The following TPD52L1 variants were observed in gnomAD, a reference collection of about 807,000 sequenced individuals.
TPD52L1 encodes the protein tumor protein D53.
A neutral mutation model predicts 28.7 loss-of-function variants in TPD52L1; 18 were observed. The ratio of observed to expected loss-of-function variants is 0.63; its 90% CI spans 0.43 to 0.93. The LOEUF is 0.93. Among genes scored for constraint, TPD52L1 ranks in the 40% least tolerant of loss-of-function variants. The pLI, the probability that TPD52L1 is intolerant of heterozygous loss-of-function variation, is 0.00. For missense variants in TPD52L1, 203 were observed against 254.8 expected, an observed-to-expected ratio of 0.80 and a Z score of 1.39; for synonymous variants, 75 against 88.8, an observed-to-expected ratio of 0.84 and a Z score of 0.88.
chr6:125,189,635 T>C (rs1352765119), intron 1 of TPD52L1, among the ~76,000 whole-genome samples: 1 of 152,216 alleles, frequency 6.6e-6, no homozygotes, highest in Non-Finnish European at 1.5e-5. Context: ...ATGCCTTTGA[T>C]TGTGTGGGTG....
chr6:125,208,809 G>T, intron 1 of TPD52L1: 1 of 574,806 alleles, frequency 1.7e-6, no homozygotes, highest in Non-Finnish European at 2.2e-6. Context: ...GAGTGGGCCA[G>T]GTGCTGAGAG....
chr6:125,210,013 G>A (rs1266033350), intron 1 of TPD52L1, among the ~76,000 whole-genome samples: 1 of 152,092 alleles, frequency 6.6e-6, no homozygotes, highest in African/African-American at 2.4e-5. Flanking sequence ...ATTAGTCTCT[G>A]TTTAACTCAG....
chr6:125,216,529 GTATATATATATATA>G (rs56135453), intron 1 of TPD52L1, among the ~76,000 whole-genome samples: 63 of 69,076 alleles, frequency 9.1e-4, no homozygotes, highest in African/African-American at 4.5e-3. Flanking sequence ...GTATGTGTGT[GTATATATATATATA>G]TATATATATA....
chr6:125,172,478 GT>G (rs59798804), intron 1 of TPD52L1, among the ~76,000 whole-genome samples: 733 of 73,230 alleles, frequency 0.01, 22 homozygotes, highest in African/African-American at 0.039. Context: ...GTGTGTGTGT[GT>G]TTTTTTTTTA....
chr6:125,207,271 G>A (rs2114919183), intron 1 of TPD52L1, among the ~76,000 whole-genome samples: 1 of 152,288 alleles, frequency 6.6e-6, no homozygotes, highest in South Asian at 2.1e-4. Context: ...TGCATGAGGT[G>A]TTGTGGTAAA....
intron 1 of TPD52L1, among the ~76,000 whole-genome samples, chr6:125,213,928 T>A (rs1477099222): frequency 6.6e-6 from 1 of 151,912 alleles, no homozygotes; most frequent in Non-Finnish European, 1.5e-5. Context: ...ATCAGAAAAA[T>A]GACAAGAGTT....
intron 1 of TPD52L1, among the ~76,000 whole-genome samples, chr6:125,167,015 T>C (rs1582840615): frequency 6.6e-6 from 1 of 152,032 alleles, no homozygotes; most frequent in East Asian, 1.9e-4. Context: ...CCAGCACTTT[T>C]GGAGGCCGAG....
intron 1 of TPD52L1, among the ~76,000 whole-genome samples, chr6:125,186,803 T>A (rs1651743333): frequency 6.6e-6 from 1 of 152,184 alleles, no homozygotes; most frequent in African/African-American, 2.4e-5. Flanking sequence ...ATTGTATGCC[T>A]TATAAAGTTA....
chr6:125,185,162 T>C (rs1792515943), intron 1 of TPD52L1, among the ~76,000 whole-genome samples: 1 of 152,188 alleles, frequency 6.6e-6, no homozygotes. Context: ...TATAAATGCA[T>C]TTTTAAAAAC....
rs571223745 is a variant in TPD52L1 at position 125,200,347 on chromosome 6, T to G, written c.20-19731T>G. ...GTATTTTCTTTGTAAAGAATCTATTTGAAATATTGGAAATGTTTTCAGGAA... is the reference window on the plus strand; with the variant it reads ...GTATTTTCTTTGTAAAGAATCTATTGGAAATATTGGAAATGTTTTCAGGAA... On this transcript the variant is annotated intron_variant, in intron 1 of 6. Transcript: ENST00000534000. Among the ~76,000 whole-genome samples, 6 of 152,386 alleles carry G rather than the reference T, an allele frequency of 3.9e-5. No homozygotes were observed. In the South Asian group the frequency reaches 8.3e-4, roughly 21 times the overall value.
At chr6:125,172,512 CTATATATATA>C (rs60135828) in intron 1 of TPD52L1, among the ~76,000 whole-genome samples, 173 of 16,410 alleles carry the variant, frequency 0.011, 4 homozygotes, top group South Asian at 0.016. Flanking sequence ...CTCTTTCATG[CTATATATATA>C]TATATATATA....
At chr6:125,236,295 A>G (rs1796257661) in intron 3 of TPD52L1, among the ~76,000 whole-genome samples, 1 of 152,160 alleles carries the variant, frequency 6.6e-6, no homozygotes, top group Admixed American at 6.5e-5. Flanking sequence ...ATAGACTTGC[A>G]TTTTTCATGG....
chr6:125,219,669 T>C lies in TPD52L1; in HGVS notation c.20-409T>C, dbSNP rs556864931. On this transcript the variant is annotated intron_variant, in intron 1 of 6. Coordinates refer to ENST00000534000, the MANE Select transcript of TPD52L1 (RefSeq NM_003287.4). ...GGTATTTATTTCTAGTTCACCTGAC[T>C]CTCAGGGTGCAGCCCTTGGGGCCTA... Among the ~76,000 whole-genome samples the C allele has an allele frequency of 4.6e-5, 7 of 152,010 alleles. No homozygotes were observed. The South Asian group carries it at 1.0e-3, about 22-fold the overall frequency.
At chr6:125,197,601 C>T (rs967845247) in intron 1 of TPD52L1, among the ~76,000 whole-genome samples, 3 of 152,052 alleles carry the variant, frequency 2.0e-5, no homozygotes, top group African/African-American at 7.2e-5. Context: ...AGAGGAAGAA[C>T]AGTCAGAAGG....
At chr6:125,260,977 AAAAGAAAAG>A (rs1797953040) in intron 6 of TPD52L1, 1 of 43,810 alleles carries the variant, frequency 2.3e-5, no homozygotes, top group Non-Finnish European at 3.7e-5. Context: ...AGAAAGAAAG[AAAAGAAAAG>A]AAAGAAAGAA....
chr6:125,160,850 CTTTT>C (rs57061570), intron 1 of TPD52L1, among the ~76,000 whole-genome samples: 2 of 129,466 alleles, frequency 1.5e-5, no homozygotes, highest in East Asian at 2.1e-4. Flanking sequence ...ACAGAGATGA[CTTTT>C]TTTTTTTTTT....
At chr6:125,203,693 C>T (rs1793937242) in intron 1 of TPD52L1, 1 of 985,316 alleles carries the variant, frequency 1.0e-6, no homozygotes, top group South Asian at 4.7e-5. Flanking sequence ...AAGCTTAGGG[C>T]TGAGCAGCTC....
intron 1 of TPD52L1, among the ~76,000 whole-genome samples, chr6:125,171,097 C>G (rs74326844): frequency 6.6e-6 from 1 of 152,278 alleles, no homozygotes; most frequent in Non-Finnish European, 1.5e-5. Flanking sequence ...GATTCCTCGA[C>G]CAGCATCATT....
At chr6:125,246,570 C>CA (rs1419040613) in intron 3 of TPD52L1, among the ~76,000 whole-genome samples, 1 of 152,004 alleles carries the variant, frequency 6.6e-6, no homozygotes, top group Non-Finnish European at 1.5e-5. Context: ...TTCATGTAGT[C>CA]AAAAAATGTT....
Sources: gnomAD v4.1 joint callset for allele counts (sites outside exome capture counted in the v4.1 genomes callset) on GRCh38, gnomAD v4.1.1 for gene constraint, MANE v1.5 for transcripts, NCBI Gene and HGNC (gene_info 2026-07-23, HGNC 2026-07-21) for gene names.